POLR1C: variants seen among roughly 807,000 people sequenced by gnomAD.
The protein encoded by POLR1C is DNA-directed RNA polymerases I and III subunit RPAC1.
In POLR1C, 42 loss-of-function variants were observed where a neutral mutation model predicts 38.3. The observed-to-expected ratio is 1.10, with a 90% confidence interval of 0.86 to 1.42. The LOEUF is 1.42. POLR1C is among the 40% of genes most tolerant of loss of function. The pLI is 0.00. For missense variants in POLR1C, 507 were observed against 450.5 expected, an observed-to-expected ratio of 1.13 and a Z score of -1.14; for synonymous variants, 163 against 163.9, an observed-to-expected ratio of 0.99 and a Z score of 0.04.
At chr6:43,556,093 G>T in intron 10 of POLR1C, 1 of 1,242,176 alleles carries the variant, frequency 8.1e-7, no homozygotes, top group Non-Finnish European at 1.1e-6. Flanking sequence ...CTTGTGCTTT[G>T]CATGTAATAA....
intron 10 of POLR1C, chr6:43,556,016 A>G (rs891488863): frequency 6.2e-6 from 10 of 1,604,704 alleles, no homozygotes; most frequent in Non-Finnish European, 8.5e-6. Flanking sequence ...CTGGTATAAA[A>G]TAAGTACTTA....
At chr6:43,524,036 C>T (rs1793371645), downstream of POLR1C, 1 of 1,604,454 alleles carries the variant, frequency 6.2e-7, no homozygotes, top group East Asian at 2.2e-5. Context: ...AGAATTAATG[C>T]TGGGCCCTCA....
Position 43,547,350 on chromosome 6 carries a change from C to T in POLR1C, c.*5-3618C>T, listed in dbSNP as rs1795011576. On this transcript the variant is annotated intron_variant, in intron 9 of 10. Transcript: ENST00000607635. ...CAAGTTCTGACCTACTTCCTCATTACACCTTCAGTCTTCAGAGCTATTTAG... is the reference window on the plus strand; with the variant it reads ...CAAGTTCTGACCTACTTCCTCATTATACCTTCAGTCTTCAGAGCTATTTAG... 5.5e-6 allele frequency: 3 copies of T among 542,338 alleles called. 1 individual carries two copies. Among genetic ancestry groups the T allele is most frequent in the Admixed American group, 5.7e-5 (2 of 34,934 alleles). The allele number at this position is 542,338 out of a possible 1,614,324, so 33.6% of individuals were successfully genotyped here. A position where few individuals can be genotyped will look rare whatever the true frequency, so the allele number is the denominator to read the frequency against.
rs1554133583 is a variant in POLR1C at position 43,536,787 on chromosome 6, A to AAAG, written c.*4+7430_*4+7431insGAA. Among the ~76,000 whole-genome samples the AAAG allele has an allele frequency of 1.3e-3, 187 of 148,538 alleles. 5 individuals carry two copies. The highest frequency in any genetic ancestry group is 4.5e-3 in the African/African-American group (175 of 39,090). ...AAAAAAAAAAAAAAAAAAAAAAAAA[A>AAAG]AAAGCAGCTTTACTTTTTGGGTTTT... On this transcript the variant is annotated intron_variant, in intron 9 of 10. Transcript: ENST00000607635.
chr6:43,538,248 C>A (rs760296842), intron 9 of POLR1C, among the ~76,000 whole-genome samples: 4 of 132,606 alleles, frequency 3.0e-5, no homozygotes, highest in Middle Eastern at 4.8e-3. Flanking sequence ...CTGCTGGGTT[C>A]AAGTGATTCT....
At chr6:43,559,385 G>C (rs761213573) in intron 10 of POLR1C, among the ~76,000 whole-genome samples, 2 of 152,190 alleles carry the variant, frequency 1.3e-5, no homozygotes, top group African/African-American at 2.4e-5. Context: ...ACCATTCTCT[G>C]ATGTTACAAA....
chr6:43,520,319 G>A lies in POLR1C; in HGVS notation c.547G>A (p.Asp183Asn). ...ATGGATCCCCCTGGGGAACCAGGCT[G>A]ATCTCTTTCCAGAGGGCACTATCCG... ...MTWIPLGNQA[D>N]LFPEGTIRPV... The change falls in exon 6 of 9, where the codon GAT becomes AAT. Residue 183 changes from aspartate (D) to asparagine (N), a missense_variant. Asp to Asn is a conservative substitution (Grantham distance 23). Transcript: ENST00000642195. The A allele has an allele frequency of 2.5e-6, 4 of 1,613,228 alleles. No homozygotes were observed. The highest frequency in any genetic ancestry group is 2.5e-6 in the Non-Finnish European group (3 of 1,180,036).
At chr6:43,523,919 C>T (rs762491983), downstream of POLR1C, 20 of 1,613,942 alleles carry the variant, frequency 1.2e-5, no homozygotes, top group East Asian at 1.1e-4. Context: ...CCAGCACCTC[C>T]GTCTCCAGCA....
Position 43,521,008 on chromosome 6 carries a change from G to A in POLR1C, c.882G>A (p.Lys294=), listed in dbSNP as rs386352351. Residue 294 remains lysine, a synonymous_variant, in exon 8 of 9, where the codon AAG becomes AAA. Transcript: ENST00000642195. ...AAATCTTCCGGAATGAGAAGCTAAA[G>A]AAGGTTGTGAGGCTTGCCCGGGTTC... is the stretch of plus-strand genomic sequence containing the variant. ...SREIFRNEKL[K]KVVRLARVRD... The A allele has an allele frequency of 3.1e-6, 5 of 1,614,200 alleles. No individual in the cohort carries two copies. The highest frequency in any genetic ancestry group is 4.2e-6 in the Non-Finnish European group (5 of 1,180,006).
chr6:43,528,086 GC>G, intron 8 of POLR1C: 1 of 1,446,066 alleles, frequency 6.9e-7, no homozygotes, highest in Non-Finnish European at 9.5e-7. Context: ...CAGAATCCCT[GC>G]CCGCTTCCTT....
In POLR1C at chr6:43,520,668, C is replaced by T. The variant is rs763593155; in HGVS notation, c.699C>T (p.Tyr233=). The change falls in exon 7 of 9, where the codon TAC becomes TAT. Residue 233 remains tyrosine (Y), a synonymous_variant. Coordinates refer to ENST00000642195, the MANE Select transcript of POLR1C (RefSeq NM_203290.4). Reference sequence around the variant, plus strand: ...TTTCACCAGTGGCAACAGCCAGTTACAGGCTCCTGCCAGACATCACCCTGC... The same window carrying T: ...TTTCACCAGTGGCAACAGCCAGTTATAGGCTCCTGCCAGACATCACCCTGC... ...AKFSPVATAS[Y]RLLPDITLLE... is the part of the protein sequence containing the mutation. 3.7e-5 allele frequency: 60 copies of T among 1,614,046 alleles called. No homozygotes were observed. The highest frequency in any genetic ancestry group is 4.8e-5 in the Non-Finnish European group (57 of 1,180,000).
downstream of POLR1C, among the ~76,000 whole-genome samples, chr6:43,532,640 C>G (rs1794052924): frequency 6.6e-6 from 1 of 152,230 alleles, no homozygotes; most frequent in Admixed American, 6.5e-5. Flanking sequence ...AGCATTTCCT[C>G]ATGCCCCTAA....
chr6:43,549,103 G>C (rs1051167754), intron 9 of POLR1C, among the ~76,000 whole-genome samples: 1 of 152,136 alleles, frequency 6.6e-6, no homozygotes, highest in African/African-American at 2.4e-5. Context: ...TTCGCTCGTT[G>C]CCCAGGCTGG....
chr6:43,525,141 G>A, downstream of POLR1C: 1 of 1,581,732 alleles, frequency 6.3e-7, no homozygotes, highest in Non-Finnish European at 8.6e-7. Flanking sequence ...CTGTGAGGTT[G>A]TCCTCTGGCA....
chr6:43,521,065 G>A lies in POLR1C; in HGVS notation c.922+17G>A. The A allele has an allele frequency of 6.2e-7, 1 of 1,604,238 alleles. No individual in the cohort carries two copies. Among genetic ancestry groups the A allele is most frequent in the Non-Finnish European group, 8.5e-7 (1 of 1,171,006 alleles). Reference sequence around the variant, plus strand: ...ATTATATCTGTGAGTATGAAGTGGTGAGATGAGTGGGCAGTGCTCTTTGGT... The same window carrying A: ...ATTATATCTGTGAGTATGAAGTGGTAAGATGAGTGGGCAGTGCTCTTTGGT... On this transcript the variant is annotated intron_variant, in intron 8 of 8. Transcript: ENST00000642195.
At chr6:43,529,519 A>T (rs1270913394) in exon 9 of POLR1C, 1 of 216,182 alleles carries the variant, frequency 4.6e-6, no homozygotes, top group Non-Finnish European at 9.3e-6. Flanking sequence ...ACGCCACTGC[A>T]CTCCAGCCTG....
chr6:43,530,293 G>A (rs1165838578), downstream of POLR1C, among the ~76,000 whole-genome samples: 20 of 151,740 alleles, frequency 1.3e-4, no homozygotes, highest in Admixed American at 1.3e-3. Context: ...GCGTGATGGT[G>A]CACACCTGTA....
At position 43,520,952 on chromosome 6, in the gene POLR1C, G is replaced by T. The variant is rs924649314; in HGVS notation, c.826G>T (p.Ala276Ser). 1 of 1,614,054 alleles carries T rather than the reference G, an allele frequency of 6.2e-7. No homozygotes were observed. The change falls in exon 8 of 9, where the codon GCC (alanine) becomes TCC (serine). Residue 276 changes from alanine to serine, a missense_variant. By Grantham distance (99) the Ala-to-Ser change is moderately conservative. Coordinates refer to ENST00000642195, the MANE Select transcript of POLR1C (RefSeq NM_203290.4). ...ATTAGGTAAAAAGGTGGCCAGAGTTGCCAACCCCCGGCTGGATACCTTCAG... is the reference window on the plus strand; with the variant it reads ...ATTAGGTAAAAAGGTGGCCAGAGTTTCCAACCCCCGGCTGGATACCTTCAG... Reference protein sequence around the residue: ...EVQGKKVARVANPRLDTFSRE... With the variant: ...EVQGKKVARVSNPRLDTFSRE...
intron 8 of POLR1C, chr6:43,528,231 G>C (rs1425929886): frequency 2.4e-5 from 38 of 1,574,000 alleles, no homozygotes; most frequent in Non-Finnish European, 3.1e-5. Flanking sequence ...GGAAATAAAT[G>C]CTAGAATTGG....
Sources: gnomAD v4.1 joint callset for allele counts (sites outside exome capture counted in the v4.1 genomes callset) on GRCh38, gnomAD v4.1.1 for gene constraint, MANE v1.5 for transcripts, NCBI Gene and HGNC (gene_info 2026-07-23, HGNC 2026-07-21) for gene names.